LRRTM4: variants seen among roughly 807,000 people sequenced by gnomAD.
LRRTM4 encodes the protein leucine-rich repeat transmembrane neuronal protein 4.
In LRRTM4, 25 loss-of-function variants were observed where a neutral mutation model predicts 47.6. The ratio of observed to expected loss-of-function variants is 0.53; its 90% CI spans 0.38 to 0.73. The LOEUF (loss-of-function observed/expected upper bound fraction) is 0.73, where lower values mean the gene tolerates loss of function less well. Among genes scored for constraint, LRRTM4 ranks in the 30% least tolerant of loss-of-function variants. The pLI is 0.00. For missense variants in LRRTM4, 638 were observed against 713.4 expected, an observed-to-expected ratio of 0.89 and a Z score of 1.20; for synonymous variants, 311 against 269.5, an observed-to-expected ratio of 1.15 and a Z score of -1.51.
chr2:77,335,108 A>T (rs998207400), intron 3 of LRRTM4, among the ~76,000 whole-genome samples: 2 of 152,142 alleles, frequency 1.3e-5, no homozygotes, highest in African/African-American at 4.8e-5. Flanking sequence ...ACTAGCTTAT[A>T]TTAATTTGGA....
chr2:77,356,139 A>G (rs1014528445), intron 3 of LRRTM4, among the ~76,000 whole-genome samples: 1 of 152,198 alleles, frequency 6.6e-6, no homozygotes, highest in African/African-American at 2.4e-5. Context: ...TGCCAGGATA[A>G]AGTGGTTTTT....
chr2:77,443,610 T>A lies in LRRTM4; in HGVS notation c.1551+74708A>T, dbSNP rs1045169097. ...TACTATTATAATTACTAGTATCACC[T>A]GCTAAATGAGATACTGGGGTGATAA... is the stretch of plus-strand genomic sequence containing the variant. On this transcript the variant is annotated intron_variant, in intron 3 of 3. Transcript: ENST00000409884. Among the ~76,000 whole-genome samples the A allele has an allele frequency of 3.9e-5, 6 of 152,112 alleles. No homozygotes were observed. The South Asian group carries it at 1.2e-3, about 31-fold the overall frequency.
At chr2:77,092,192 C>A (rs1670665782) in intron 3 of LRRTM4, among the ~76,000 whole-genome samples, 1 of 152,136 alleles carries the variant, frequency 6.6e-6, no homozygotes, top group South Asian at 2.1e-4. Flanking sequence ...TTTGTTAAGT[C>A]CCACAATTAC....
rs114629407 is a variant in LRRTM4 at position 76,969,452 on chromosome 2, G to T, written c.1552-220536C>A. Among the ~76,000 whole-genome samples, 973 of 151,990 alleles carry T rather than the reference G, an allele frequency of 6.4e-3. 12 individuals are homozygous for T. Among genetic ancestry groups the T allele is most frequent in the African/African-American group, 0.021 (860 of 41,524 alleles). On this transcript the variant is annotated intron_variant, in intron 3 of 3. Transcript: ENST00000409884. Reference sequence around the variant, plus strand: ...CAAGAAATACAACTCTGGAAAAGTTGTAAGAGCAGATCTAACTTTAGAGAA... The same window carrying T: ...CAAGAAATACAACTCTGGAAAAGTTTTAAGAGCAGATCTAACTTTAGAGAA...
chr2:77,417,694 A>C (rs1316983569), intron 3 of LRRTM4, among the ~76,000 whole-genome samples: 4 of 149,860 alleles, frequency 2.7e-5, no homozygotes, highest in Non-Finnish European at 3.0e-5. Flanking sequence ...ATTCCCACTC[A>C]TAGGTGGGAA....
At chr2:77,295,941 C>T (rs1001731939) in intron 3 of LRRTM4, among the ~76,000 whole-genome samples, 1 of 152,118 alleles carries the variant, frequency 6.6e-6, no homozygotes, top group Non-Finnish European at 1.5e-5. Flanking sequence ...CCAACTCAGG[C>T]CATGACAATC....
intron 3 of LRRTM4, among the ~76,000 whole-genome samples, chr2:77,263,909 A>G (rs924859403): frequency 6.6e-6 from 1 of 152,126 alleles, no homozygotes; most frequent in African/African-American, 2.4e-5. Context: ...CTAATGTTTA[A>G]TGATACCTTT....
At chr2:77,119,641 C>T (rs1671475848) in intron 3 of LRRTM4, among the ~76,000 whole-genome samples, 1 of 151,716 alleles carries the variant, frequency 6.6e-6, no homozygotes, top group Non-Finnish European at 1.5e-5. Flanking sequence ...TTCCTATAAA[C>T]AAATTCAAAT....
At chr2:77,106,292 C>G (rs1276760481) in intron 3 of LRRTM4, among the ~76,000 whole-genome samples, 1 of 152,058 alleles carries the variant, frequency 6.6e-6, no homozygotes, top group East Asian at 1.9e-4. Flanking sequence ...TAACATATAA[C>G]CTTCTGGAGA....
At chr2:77,033,400 C>T (rs1440604602) in intron 3 of LRRTM4, among the ~76,000 whole-genome samples, 3 of 150,074 alleles carry the variant, frequency 2.0e-5, no homozygotes, top group Admixed American at 6.8e-5. Flanking sequence ...ATAATTAGCT[C>T]ATAAATATGT....
chr2:77,038,640 A>G (rs1175280276), intron 3 of LRRTM4, among the ~76,000 whole-genome samples: 3 of 151,522 alleles, frequency 2.0e-5, no homozygotes, highest in Non-Finnish European at 3.0e-5. Flanking sequence ...CTAAACAACT[A>G]GCATAACAAC....
chr2:77,294,229 A>G (rs1409190429), intron 3 of LRRTM4, among the ~76,000 whole-genome samples: 1 of 152,100 alleles, frequency 6.6e-6, no homozygotes, highest in Non-Finnish European at 1.5e-5. Context: ...AATATAATCA[A>G]CTATTCGATC....
chr2:77,257,109 C>T (rs1054818464), intron 3 of LRRTM4, among the ~76,000 whole-genome samples: 3 of 151,974 alleles, frequency 2.0e-5, no homozygotes, highest in African/African-American at 4.8e-5. Context: ...GACAAAAACT[C>T]AGAAAACTAG....
At chr2:76,972,925 CTG>C (rs746305124) in intron 3 of LRRTM4, among the ~76,000 whole-genome samples, 7 of 151,964 alleles carry the variant, frequency 4.6e-5, no homozygotes, top group Middle Eastern at 3.2e-3. Context: ...ACTCATAATT[CTG>C]TGTTTCCTTT....
chr2:77,480,802 GTGTGTGTGTGTGTGTGTGTGGAGAGA>G, intron 3 of LRRTM4, among the ~76,000 whole-genome samples: 1 of 132,098 alleles, frequency 7.6e-6, no homozygotes, highest in East Asian at 2.3e-4. Context: ...GTGTGTGTGT[GTGTGTGTGTGTGTGTGTGTGGAGAGA>G]GAGAGAGAGA....
intron 3 of LRRTM4, among the ~76,000 whole-genome samples, chr2:76,899,162 C>T (rs1267308077): frequency 6.6e-6 from 1 of 151,752 alleles, no homozygotes; most frequent in Admixed American, 6.6e-5. Flanking sequence ...TATGAGTATG[C>T]ATATACCTCA....
intron 3 of LRRTM4, among the ~76,000 whole-genome samples, chr2:77,077,134 A>C (rs928683926): frequency 1.3e-5 from 2 of 152,194 alleles, no homozygotes; most frequent in African/African-American, 4.8e-5. Flanking sequence ...CATATGCAAA[A>C]TTCTATAGAG....
intron 3 of LRRTM4, among the ~76,000 whole-genome samples, chr2:76,750,302 T>G (rs1007789424): frequency 1.3e-5 from 2 of 152,158 alleles, no homozygotes. Context: ...AGATTTGAGG[T>G]TCATCACCAC....
At chr2:77,341,589 C>A (rs756869641) in intron 3 of LRRTM4, among the ~76,000 whole-genome samples, 1 of 152,030 alleles carries the variant, frequency 6.6e-6, no homozygotes, top group Non-Finnish European at 1.5e-5. Flanking sequence ...AGACAAGAAC[C>A]ACGCATGCTG....
Sources: allele counts gnomAD v4.1 joint callset (sites outside exome capture counted in the v4.1 genomes callset), GRCh38; gene constraint gnomAD v4.1.1; transcripts MANE v1.5; gene names NCBI Gene and HGNC (gene_info 2026-07-23, HGNC 2026-07-21).